The following SLC17A1 variants were observed in gnomAD, a reference collection of about 807,000 sequenced individuals.
The protein encoded by SLC17A1 is sodium-dependent phosphate transport protein 1.
A neutral mutation model predicts 53.5 loss-of-function variants in SLC17A1; 51 were observed. That is an observed-to-expected ratio of 0.95 (90% CI 0.76 to 1.20). SLC17A1 has a LOEUF of 1.20. SLC17A1 is among the 50% of genes most tolerant of loss of function. SLC17A1 has a pLI of 0.00. For missense variants in SLC17A1, 538 were observed against 568.2 expected, an observed-to-expected ratio of 0.95 and a Z score of 0.54; for synonymous variants, 179 against 198.8, an observed-to-expected ratio of 0.90 and a Z score of 0.84.
In SLC17A1 at chr6:25,798,783, C is replaced by A; in HGVS notation, c.*2G>T. On this transcript the variant is annotated splice_region_variant and 3_prime_UTR_variant, in exon 12 of 13. Transcript: ENST00000244527. Reference sequence around the variant, plus strand: ...TGTCCTTAATCTGATCACTTCTCACCTTCAGAGACGTGTGTGTTGTTTTTC... The same window carrying A: ...TGTCCTTAATCTGATCACTTCTCACATTCAGAGACGTGTGTGTTGTTTTTC... The A allele has an allele frequency of 6.2e-7, 1 of 1,605,682 alleles. No individual in the cohort carries two copies. The highest frequency in any genetic ancestry group is 1.1e-5 in the South Asian group (1 of 89,396).
the SLC17A1 span, among the ~76,000 whole-genome samples, chr6:25,763,135 G>A: frequency 1.3e-5 from 2 of 152,168 alleles, no homozygotes; most frequent in African/African-American, 4.8e-5. Flanking sequence ...TTTGTCTAAA[G>A]TGGAACTTCT....
downstream of SLC17A1, among the ~76,000 whole-genome samples, chr6:25,782,700 T>C (rs181374622): frequency 1.5e-3 from 223 of 152,294 alleles, no homozygotes; most frequent in African/African-American, 5.1e-3. Flanking sequence ...GATCCTGTTC[T>C]TTCTTTCTTA....
At chr6:25,819,279 C>T (rs920636798) in intron 5 of SLC17A1, 125 bp from the exon 6 acceptor site, 4 of 705,368 alleles carry the variant, frequency 5.7e-6, no homozygotes, top group Non-Finnish European at 9.4e-6. Context: ...ACACAAACAT[C>T]AGAAGAAAAT....
At chr6:25,806,521 A>T (rs1297374473) in intron 10 of SLC17A1, among the ~76,000 whole-genome samples, 1 of 152,088 alleles carries the variant, frequency 6.6e-6, no homozygotes, top group African/African-American at 2.4e-5. Flanking sequence ...TGGAATTCCT[A>T]GCCAGAGCAA....
At chr6:25,766,247 T>C in the SLC17A1 span, among the ~76,000 whole-genome samples, 2 of 151,456 alleles carry the variant, frequency 1.3e-5, no homozygotes, top group East Asian at 1.9e-4. Context: ...AACTAAGAAA[T>C]GAAGAAAATT....
the SLC17A1 span, chr6:25,768,931 G>A: frequency 6.7e-7 from 1 of 1,494,716 alleles, no homozygotes; most frequent in Non-Finnish European, 9.3e-7. Context: ...CAGACTTAGG[G>A]AGAGTGGGAG....
chr6:25,804,481 A>G (rs1038074174), intron 10 of SLC17A1, among the ~76,000 whole-genome samples: 2 of 152,092 alleles, frequency 1.3e-5, no homozygotes, highest in Non-Finnish European at 2.9e-5. Context: ...CAATAACACA[A>G]TGAAGAAAAC....
intron 10 of SLC17A1, among the ~76,000 whole-genome samples, chr6:25,808,370 A>T (rs895129323): frequency 1.3e-5 from 2 of 151,960 alleles, no homozygotes; most frequent in African/African-American, 4.8e-5. Flanking sequence ...CGGGCAAGGG[A>T]TAAAAAAAAC....
intron 2 of SLC17A1, among the ~76,000 whole-genome samples, chr6:25,827,028 T>C (rs1490242379): frequency 6.6e-6 from 1 of 152,120 alleles, no homozygotes; most frequent in Non-Finnish European, 1.5e-5. Context: ...GAAAGACTTA[T>C]ATATGCCCAA....
intron 10 of SLC17A1, among the ~76,000 whole-genome samples, chr6:25,803,131 A>G (rs1175323284): frequency 1.3e-5 from 2 of 151,322 alleles, no homozygotes; most frequent in Non-Finnish European, 3.0e-5. Flanking sequence ...TATTTTTAGT[A>G]GAGACGGGGT....
chr6:25,769,245 GA>G, the SLC17A1 span: 2 of 1,496,774 alleles, frequency 1.3e-6, no homozygotes, highest in Admixed American at 1.8e-5. Flanking sequence ...TTGACTTAAA[GA>G]GTTATAAAAG....
At chr6:25,829,631 T>C (rs1161835996) in intron 2 of SLC17A1, among the ~76,000 whole-genome samples, 1 of 152,180 alleles carries the variant, frequency 6.6e-6, no homozygotes, top group Admixed American at 6.5e-5. Flanking sequence ...AGGAAGTCCA[T>C]GAATTATGTC....
chr6:25,770,205 T>C, the SLC17A1 span: 4 of 1,614,110 alleles, frequency 2.5e-6, no homozygotes, highest in Middle Eastern at 1.6e-4. Flanking sequence ...TGCTGGCTTG[T>C]TTATTTCCTC....
the SLC17A1 span, chr6:25,732,040 T>C: frequency 2.9e-6 from 4 of 1,402,626 alleles, no homozygotes; most frequent in Non-Finnish European, 3.9e-6. Flanking sequence ...AGCTTGTAGA[T>C]GTAAATAGAA....
chr6:25,760,705 T>C, the SLC17A1 span, among the ~76,000 whole-genome samples: 1 of 152,188 alleles, frequency 6.6e-6, no homozygotes, highest in Non-Finnish European at 1.5e-5. Context: ...ACATAGCTCA[T>C]TACCGTTGAT....
At chr6:25,789,617 G>A (rs1292738037) in intron 12 of SLC17A1, among the ~76,000 whole-genome samples, 1 of 151,968 alleles carries the variant, frequency 6.6e-6, no homozygotes, top group Admixed American at 6.5e-5. Flanking sequence ...AGAACACAGG[G>A]ACATCTTTGT....
the SLC17A1 span, chr6:25,776,554 T>C: frequency 8.4e-6 from 13 of 1,551,762 alleles, no homozygotes; most frequent in East Asian, 2.9e-4. Flanking sequence ...GTGGTGGGGG[T>C]GGTAAGGGCA....
chr6:25,769,154 C>A, the SLC17A1 span: 2 of 1,613,996 alleles, frequency 1.2e-6, no homozygotes, highest in African/African-American at 2.7e-5. Context: ...ACTCCCAGGG[C>A]TACTGGAATG....
At chr6:25,726,850 G>C in the SLC17A1 span, 15 of 1,544,282 alleles carry the variant, frequency 9.7e-6, no homozygotes, top group South Asian at 1.2e-4. Context: ...TTGAGCACTG[G>C]AAAGTGCTGT....
Sources: gnomAD v4.1 joint callset for allele counts (sites outside exome capture counted in the v4.1 genomes callset) on GRCh38, gnomAD v4.1.1 for gene constraint, MANE v1.5 for transcripts, NCBI Gene and HGNC (gene_info 2026-07-23, HGNC 2026-07-21) for gene names.